NEB: variants seen among roughly 807,000 people sequenced by gnomAD.
NEB encodes the protein nemaline myopathy type 2.
A neutral mutation model predicts 952.2 loss-of-function variants in NEB; 512 were observed. The observed-to-expected ratio is 0.54, with a 90% confidence interval of 0.50 to 0.58. NEB has a LOEUF of 0.58. Among genes scored for constraint, NEB ranks in the 20% least tolerant of loss-of-function variants. NEB has a pLI of 0.00. For missense variants in NEB, 8,428 were observed against 9,231.1 expected (o/e 0.91, Z 3.56); for synonymous variants, 2,900 against 3,149.8 (o/e 0.92, Z 2.66).
intron 135 of NEB, among the ~76,000 whole-genome samples, chr2:151,544,615 G>A (rs376616601): frequency 4.6e-4 from 70 of 152,342 alleles, no homozygotes; most frequent in African/African-American, 1.6e-3. Flanking sequence ...AAATAACACA[G>A]TGAAGCTTTT....
intron 105 of NEB, among the ~76,000 whole-genome samples, chr2:151,578,213 G>A (rs916441187): frequency 2.1e-4 from 32 of 151,996 alleles, no homozygotes; most frequent in African/African-American, 6.3e-4. Flanking sequence ...TTTGAAGGGC[G>A]GAAAATACGA....
chr2:151,534,224 C>G, intron 142 of NEB: 1 of 1,613,322 alleles, frequency 6.2e-7, no homozygotes, highest in African/African-American at 1.3e-5. Flanking sequence ...CCTGACTGAT[C>G]TGGTCGCCTG....
At chr2:151,613,315 C>A (rs772171301) in intron 77 of NEB, among the ~76,000 whole-genome samples, 103 of 152,204 alleles carry the variant, frequency 6.8e-4, no homozygotes, top group Non-Finnish European at 1.2e-3. Flanking sequence ...AACTTCCATT[C>A]AAAAGTTACA....
chr2:151,500,785 G>C (rs2063873558), intron 168 of NEB, among the ~76,000 whole-genome samples: 1 of 151,868 alleles, frequency 6.6e-6, no homozygotes, highest in African/African-American at 2.4e-5. Context: ...TTTTAGCAGA[G>C]ATGGAATTTC....
chr2:151,663,960 G>A (rs1475353432), intron 44 of NEB, 101 bp from the exon 45 acceptor site: 2 of 1,235,930 alleles, frequency 1.6e-6, no homozygotes, highest in African/African-American at 1.5e-5. Context: ...GGGTTTTAGA[G>A]CTACTCTAAA....
chr2:151,649,071 A>G (rs571223810), intron 54 of NEB, among the ~76,000 whole-genome samples: 1 of 152,274 alleles, frequency 6.6e-6, no homozygotes, highest in South Asian at 2.1e-4. Flanking sequence ...TTAAGTTCAG[A>G]TCTTTTTATC....
At chr2:151,527,191 A>G (rs2086724900) in intron 147 of NEB, among the ~76,000 whole-genome samples, 169 bp from the exon 148 acceptor site, 1 of 151,862 alleles carries the variant, frequency 6.6e-6, no homozygotes, top group African/African-American at 2.4e-5. Context: ...CCTCCTTTTC[A>G]GCCTAGCTGC....
chr2:151,577,040 AT>A (rs2096891793), intron 105 of NEB, among the ~76,000 whole-genome samples: 2 of 152,160 alleles, frequency 1.3e-5, no homozygotes, highest in African/African-American at 4.8e-5. Context: ...TCTGAATAAT[AT>A]TTAGGTTATC....
intron 117 of NEB, 47 bp downstream of exon 117, chr2:151,564,997 A>G: frequency 8.8e-7 from 1 of 1,137,340 alleles, no homozygotes; most frequent in Non-Finnish European, 1.3e-6. Flanking sequence ...ATGCAACAAG[A>G]GCTTCAAATT....
In NEB at chr2:151,684,787, C is replaced by T; in HGVS notation, c.2826G>A (p.Leu942=). 1.3e-6 allele frequency: 2 copies of T among 1,598,274 alleles called. No individual in the cohort carries two copies. The highest frequency in any genetic ancestry group is 1.7e-5 in the Admixed American group (1 of 58,056). The part of the protein sequence containing the change: ...NVDLAKKAYA[L]QSDVEYKADY... ...AACCCTGGTTACTCACATCGCTCTG[C>T]AGCGCATATGCCTTCTTGGCAAGGT... The change falls in exon 28 of 182, where the codon CTG becomes CTA. Residue 942 remains leucine, a synonymous_variant. Coordinates refer to ENST00000397345, the MANE Select transcript of NEB (RefSeq NM_001164508.2).
intron 107 of NEB, among the ~76,000 whole-genome samples, chr2:151,571,958 A>C (rs2096643617): frequency 6.6e-6 from 1 of 152,224 alleles, no homozygotes; most frequent in African/African-American, 2.4e-5. Flanking sequence ...TTTTGTATAA[A>C]TTTTGAGTAG....
intron 153 of NEB, among the ~76,000 whole-genome samples, chr2:151,520,466 C>T (rs1010300704): frequency 2.6e-5 from 4 of 152,034 alleles, no homozygotes; most frequent in Non-Finnish European, 2.9e-5. Context: ...CTAAATAACT[C>T]CAATTTAAAA....
At chr2:151,513,754 T>G in intron 159 of NEB, 61 bp from the exon 160 acceptor site, 1 of 1,155,164 alleles carries the variant, frequency 8.7e-7, no homozygotes, top group Admixed American at 2.0e-5. Context: ...GTAATAAACA[T>G]ACAGGGTGAA....
At position 151,666,184 on chromosome 2, in the gene NEB, T is replaced by C. The variant is rs1559018932; in HGVS notation, c.4937A>G (p.Asn1646Ser). 1.1e-5 allele frequency: 18 copies of C among 1,613,934 alleles called. No homozygotes were observed. In the South Asian group the frequency reaches 1.4e-4, roughly 13 times the overall value. The stretch of plus-strand genomic sequence containing the variant: ...GTGGTATGACTGTCTGTAGTTGGCG[T>C]TGGTGGCAACCTCCTGAGATTTCTT... ...AAKKSQEVAT[N>S]ANYRQSYHHY... Residue 1646 changes from asparagine to serine, a missense_variant, in exon 41 of 182, where the codon AAC becomes AGC. Asn to Ser is a conservative substitution (Grantham distance 46). Transcript: ENST00000397345.
intron 41 of NEB, 109 bp from the exon 42 acceptor site, chr2:151,665,648 G>A: frequency 1.1e-6 from 1 of 918,520 alleles, no homozygotes. Flanking sequence ...GGGAGGGGGA[G>A]AATAATCTGC....
rs369903833 is a variant in NEB at position 151,679,900 on chromosome 2, G to T, written c.3147+18C>A. On this transcript the variant is annotated intron_variant, in intron 31 of 181. Coordinates refer to ENST00000397345, the MANE Select transcript of NEB (RefSeq NM_001164508.2). ...AAAGTCTGGACATACGCATCAGCCC[G>T]TGAGTCCACCCACGCACCTCACTGA... The T allele has an allele frequency of 1.2e-6, 2 of 1,609,148 alleles. No homozygotes were observed. The highest frequency in any genetic ancestry group is 4.5e-5 in the East Asian group (2 of 44,856).
intron 60 of NEB, among the ~76,000 whole-genome samples, chr2:151,641,191 A>C (rs2098842244): frequency 6.6e-6 from 1 of 152,200 alleles, no homozygotes; most frequent in Non-Finnish European, 1.5e-5. Flanking sequence ...CTGCCACTAA[A>C]ATAATTTGTT....
intron 110 of NEB, 58 bp downstream of exon 110, chr2:151,569,210 T>G: frequency 7.3e-7 from 1 of 1,366,066 alleles, no homozygotes; most frequent in South Asian, 1.2e-5. Flanking sequence ...TTTTAGCTTG[T>G]GCATTTTGTC....
chr2:151,555,123 T>G, intron 124 of NEB, 79 bp from the exon 125 acceptor site: 1 of 1,022,632 alleles, frequency 9.8e-7, no homozygotes, highest in South Asian at 1.4e-5. Context: ...TAAGACTTAA[T>G]GGGAAAAACC....
Sources: allele counts gnomAD v4.1 joint callset (sites outside exome capture counted in the v4.1 genomes callset), GRCh38; gene constraint gnomAD v4.1.1; transcripts MANE v1.5; gene names NCBI Gene and HGNC (gene_info 2026-07-23, HGNC 2026-07-21).